GABRG1: variants seen among roughly 807,000 people sequenced by gnomAD.
The protein encoded by GABRG1 is gamma-aminobutyric acid type A receptor subunit gamma1.
A neutral mutation model predicts 49.8 loss-of-function variants in GABRG1; 49 were observed. That is an observed-to-expected ratio of 0.98 (90% CI 0.78 to 1.25). The LOEUF is 1.25. Ranked by LOEUF, GABRG1 falls within the 50% of genes most tolerant of loss-of-function variation. The pLI, the probability that GABRG1 is intolerant of heterozygous loss-of-function variation, is 0.00. For synonymous variants in GABRG1, 232 were observed against 185.1 expected, an observed-to-expected ratio of 1.25 and a Z score of -2.06; for missense variants, 552 against 552.3, an observed-to-expected ratio of 1.00 and a Z score of 0.01.
Position 46,064,461 on chromosome 4 carries a change from C to G in GABRG1, c.605G>C (p.Cys202Ser). ...CTTACAGCTTGAAAATTCCAGTGGACAGGAATGTTCATCCATGGGAAAGTT... is the reference window on the plus strand; with the variant it reads ...CTTACAGCTTGAAAATTCCAGTGGAGAGGAATGTTCATCCATGGGAAAGTT... ...LHNFPMDEHS[C>S]PLEFSSYGYP... The change falls in exon 5 of 9, where the codon TGT (cysteine) becomes TCT (serine). Residue 202 changes from cysteine (C) to serine (S), a missense_variant. By Grantham distance (112) the Cys-to-Ser change is moderately radical. Coordinates refer to ENST00000295452, the MANE Select transcript of GABRG1 (RefSeq NM_173536.4). The G allele has an allele frequency of 6.5e-7, 1 of 1,539,192 alleles. No individual in the cohort carries two copies. Among genetic ancestry groups the G allele is most frequent in the Non-Finnish European group, 8.7e-7 (1 of 1,143,304 alleles).
At chr4:46,115,208 G>A (rs1024133967) in intron 1 of GABRG1, among the ~76,000 whole-genome samples, 1 of 150,664 alleles carries the variant, frequency 6.6e-6, no homozygotes, top group Non-Finnish European at 1.5e-5. Context: ...TAAAGTTTCT[G>A]TAAGTAAAAC....
chr4:46,089,870 G>T (rs1719918051), intron 2 of GABRG1, among the ~76,000 whole-genome samples: 1 of 152,026 alleles, frequency 6.6e-6, no homozygotes, highest in Admixed American at 6.6e-5. Flanking sequence ...GGCTGAGGTG[G>T]AGGGATCAGC....
intron 1 of GABRG1, among the ~76,000 whole-genome samples, chr4:46,121,051 C>T (rs999863790): frequency 1.3e-5 from 2 of 151,584 alleles, no homozygotes; most frequent in African/African-American, 4.8e-5. Context: ...GTTTTAGTTA[C>T]AATGATAGGA....
intron 2 of GABRG1, among the ~76,000 whole-genome samples, chr4:46,095,541 A>AG (rs1437424531): frequency 3.3e-5 from 5 of 151,816 alleles, no homozygotes; most frequent in Non-Finnish European, 7.4e-5. Flanking sequence ...GAGGAAAAAA[A>AG]AAGACTAAGT....
intron 1 of GABRG1, among the ~76,000 whole-genome samples, chr4:46,100,462 A>G (rs1459857053): frequency 4.5e-5 from 5 of 111,304 alleles, no homozygotes; most frequent in Non-Finnish European, 7.4e-5. Context: ...GTACCCCTGA[A>G]CTTAAAATAA....
At chr4:46,056,306 C>T (rs1004606232) in intron 7 of GABRG1, among the ~76,000 whole-genome samples, 1 of 151,936 alleles carries the variant, frequency 6.6e-6, no homozygotes, top group Non-Finnish European at 1.5e-5. Context: ...GCTCCAACCA[C>T]ATTTGTCATT....
intron 1 of GABRG1, among the ~76,000 whole-genome samples, chr4:46,112,571 G>T (rs1476772293): frequency 6.6e-6 from 1 of 151,186 alleles, no homozygotes; most frequent in Non-Finnish European, 1.5e-5. Context: ...ACAGCAAAGT[G>T]ATAGAATCAA....
At chr4:46,102,711 G>A (rs915932391) in intron 1 of GABRG1, among the ~76,000 whole-genome samples, 8 of 151,544 alleles carry the variant, frequency 5.3e-5, no homozygotes, top group Admixed American at 4.6e-4. Context: ...CTATTTTAAT[G>A]TATCATACAA....
At chr4:46,098,664 G>T (rs1369105531) in intron 1 of GABRG1, among the ~76,000 whole-genome samples, 1 of 151,692 alleles carries the variant, frequency 6.6e-6, no homozygotes, top group African/African-American at 2.4e-5. Context: ...GACTACCCTG[G>T]TCTTGAGAGA....
chr4:46,072,500 A>G (rs921913412), intron 3 of GABRG1, among the ~76,000 whole-genome samples: 1 of 152,122 alleles, frequency 6.6e-6, no homozygotes, highest in African/African-American at 2.4e-5. Flanking sequence ...TACTGTGGCA[A>G]GAAGGAACAT....
intron 2 of GABRG1, among the ~76,000 whole-genome samples, chr4:46,094,011 A>T (rs183980872): frequency 5.5e-4 from 83 of 152,152 alleles, no homozygotes; most frequent in Middle Eastern, 3.4e-3. Context: ...CAATAACAAA[A>T]ATATACCTAG....
At chr4:46,089,854 T>A (rs564763433) in intron 2 of GABRG1, among the ~76,000 whole-genome samples, 1 of 152,010 alleles carries the variant, frequency 6.6e-6, no homozygotes, top group South Asian at 2.1e-4. Flanking sequence ...TACCAATTAC[T>A]CAGCAGGCTG....
intron 1 of GABRG1, among the ~76,000 whole-genome samples, chr4:46,107,858 T>C (rs888940641): frequency 6.6e-6 from 1 of 151,214 alleles, no homozygotes; most frequent in South Asian, 2.1e-4. Context: ...ATCAGAATAC[T>C]ATTCTACAAG....
intron 8 of GABRG1, 85 bp from the exon 9 acceptor site, chr4:46,041,339 A>G: frequency 2.6e-6 from 3 of 1,176,352 alleles, no homozygotes; most frequent in Non-Finnish European, 3.6e-6. Context: ...AAACTCTAGG[A>G]GACTGACAGG....
At chr4:46,107,266 T>C (rs1185300918) in intron 1 of GABRG1, among the ~76,000 whole-genome samples, 2 of 151,286 alleles carry the variant, frequency 1.3e-5, no homozygotes, top group African/African-American at 4.8e-5. Flanking sequence ...AAACTCATTA[T>C]AGTTTGCCAT....
intron 7 of GABRG1, among the ~76,000 whole-genome samples, chr4:46,052,065 C>T (rs1181303401): frequency 6.6e-6 from 1 of 151,732 alleles, no homozygotes; most frequent in African/African-American, 2.4e-5. Flanking sequence ...CAAGGAATGC[C>T]CTTCTTTCCT....
chr4:46,054,848 C>A (rs1718372105), intron 7 of GABRG1, among the ~76,000 whole-genome samples: 2 of 20,998 alleles, frequency 9.5e-5, no homozygotes, highest in East Asian at 2.6e-3. Context: ...ATTTCCTTCT[C>A]CTGCCTGATT....
intron 1 of GABRG1, among the ~76,000 whole-genome samples, chr4:46,110,998 G>A (rs1165090023): frequency 1.3e-5 from 2 of 151,090 alleles, no homozygotes; most frequent in Non-Finnish European, 3.0e-5. Context: ...ATGCTAGCCA[G>A]AGCAATATGG....
intron 2 of GABRG1, among the ~76,000 whole-genome samples, chr4:46,084,382 C>T (rs1019793982): frequency 1.5e-4 from 23 of 151,442 alleles, no homozygotes; most frequent in East Asian, 1.9e-4. Context: ...CCTATATGAC[C>T]GAGTACTTAT....
Sources: allele counts gnomAD v4.1 joint callset (sites outside exome capture counted in the v4.1 genomes callset), GRCh38; gene constraint gnomAD v4.1.1; transcripts MANE v1.5; gene names NCBI Gene and HGNC (gene_info 2026-07-23, HGNC 2026-07-21).